The following NDST3 variants were observed in gnomAD, a reference collection of about 807,000 sequenced individuals.
NDST3 encodes N-deacetylase and N-sulfotransferase 3, also known as bifunctional heparan sulfate N-deacetylase/N-sulfotransferase 3.
NDST3 carries 58 observed loss-of-function variants against 96.1 expected under a neutral mutation model. That is an observed-to-expected ratio of 0.60 (90% CI 0.49 to 0.75). The LOEUF is 0.75. NDST3 is among the 30% of genes least tolerant of loss of function. The pLI is 0.00. For missense variants in NDST3, 788 were observed against 1,034.2 expected (o/e 0.76, Z 3.27); for synonymous variants, 333 against 359.7 (o/e 0.93, Z 0.84).
At chr4:118,220,719 C>T (rs192991476) in intron 6 of NDST3, among the ~76,000 whole-genome samples, 2 of 152,182 alleles carry the variant, frequency 1.3e-5, no homozygotes, top group African/African-American at 2.4e-5. Flanking sequence ...CACCACACAT[C>T]TGTCAGCAGT....
At chr4:118,080,256 T>G (rs1166553789) in intron 2 of NDST3, among the ~76,000 whole-genome samples, 3 of 152,024 alleles carry the variant, frequency 2.0e-5, no homozygotes, top group Non-Finnish European at 4.4e-5. Flanking sequence ...CTATGGTGCC[T>G]TTTAGATGTC....
At chr4:118,122,548 T>C (rs1344683221) in intron 4 of NDST3, among the ~76,000 whole-genome samples, 1 of 152,136 alleles carries the variant, frequency 6.6e-6, no homozygotes, top group Non-Finnish European at 1.5e-5. Flanking sequence ...TCTACTTCAC[T>C]TCCAAATTTT....
chr4:118,075,239 T>C (rs1417931526), intron 2 of NDST3, among the ~76,000 whole-genome samples: 1 of 152,192 alleles, frequency 6.6e-6, no homozygotes. Context: ...ACTCATTATT[T>C]TTTATGGCAT....
At chr4:118,228,476 A>T (rs1405723179) in intron 8 of NDST3, among the ~76,000 whole-genome samples, 1 of 152,166 alleles carries the variant, frequency 6.6e-6, no homozygotes, top group Non-Finnish European at 1.5e-5. Context: ...GTCCTCTTAA[A>T]CTGAATTGGG....
intron 1 of NDST3, among the ~76,000 whole-genome samples, chr4:118,044,353 A>G (rs1257320230): frequency 6.6e-6 from 1 of 152,248 alleles, no homozygotes; most frequent in Non-Finnish European, 1.5e-5. Context: ...TCTGTTGTCC[A>G]GGTAAATTTT....
intron 9 of NDST3, among the ~76,000 whole-genome samples, chr4:118,235,118 A>T (rs1264773027): frequency 6.6e-6 from 1 of 152,022 alleles, no homozygotes; most frequent in African/African-American, 2.4e-5. Context: ...TTGCAAAAAA[A>T]ATCCCATTTT....
chr4:118,217,280 A>G (rs902947389), intron 6 of NDST3, among the ~76,000 whole-genome samples: 40 of 152,096 alleles, frequency 2.6e-4, no homozygotes, highest in Admixed American at 3.3e-4. Context: ...GAAGGGGTAC[A>G]GAAGGGAAGA....
At chr4:118,071,912 T>C (rs1001014361) in intron 2 of NDST3, among the ~76,000 whole-genome samples, 14 of 152,276 alleles carry the variant, frequency 9.2e-5, no homozygotes, top group African/African-American at 2.4e-4. Context: ...CAGCATCTTT[T>C]ATTTGTTGAC....
At chr4:118,224,181 G>A (rs534231884) in intron 6 of NDST3, among the ~76,000 whole-genome samples, 1 of 152,126 alleles carries the variant, frequency 6.6e-6, no homozygotes, top group African/African-American at 2.4e-5. Flanking sequence ...AAATATACAG[G>A]TTGTTATTCA....
intron 1 of NDST3, among the ~76,000 whole-genome samples, chr4:118,049,515 A>C (rs1724955536): frequency 1.3e-5 from 2 of 151,948 alleles, no homozygotes; most frequent in South Asian, 4.1e-4. Context: ...ATATCCAAAA[A>C]AGAACAATCA....
intron 6 of NDST3, among the ~76,000 whole-genome samples, chr4:118,177,025 A>G (rs1736323290): frequency 6.6e-6 from 1 of 152,088 alleles, no homozygotes; most frequent in Non-Finnish European, 1.5e-5. Context: ...GGCATTCAGG[A>G]CAAGGAAGAG....
intron 6 of NDST3, among the ~76,000 whole-genome samples, chr4:118,180,501 C>G (rs1305601907): frequency 6.6e-6 from 1 of 152,092 alleles, no homozygotes; most frequent in East Asian, 1.9e-4. Flanking sequence ...AAGAAGTACA[C>G]AGATCAACTT....
chr4:118,109,420 C>T (rs1414521497), intron 3 of NDST3, among the ~76,000 whole-genome samples: 2 of 152,124 alleles, frequency 1.3e-5, no homozygotes, highest in African/African-American at 2.4e-5. Context: ...TTTTGCCCAT[C>T]GTTGAATACT....
intron 1 of NDST3, among the ~76,000 whole-genome samples, chr4:118,040,021 G>C (rs1350954669): frequency 1.3e-5 from 2 of 152,242 alleles, no homozygotes; most frequent in African/African-American, 4.8e-5. Flanking sequence ...GAAAATGGTA[G>C]AAGGAGCCAA....
intron 6 of NDST3, among the ~76,000 whole-genome samples, chr4:118,170,312 T>A (rs1735851272): frequency 6.6e-6 from 1 of 152,200 alleles, no homozygotes; most frequent in Non-Finnish European, 1.5e-5. Context: ...TGAGATTCAG[T>A]TATATAAAAA....
Position 118,057,937 on chromosome 4 carries a change from TAG to T in NDST3, c.981+3049_981+3050del, listed in dbSNP as rs1460043919. Among the ~76,000 whole-genome samples the T allele has an allele frequency of 3.9e-5, 6 of 152,124 alleles. No homozygotes were observed. The East Asian group carries it at 1.2e-3, about 29-fold the overall frequency. ...ACTGAGAGTATTTGTTGCTAAAACG[TAG>T]AGTCCAAGAGTTAGATAGGGTGACC... On this transcript the variant is annotated intron_variant, in intron 2 of 13. Coordinates refer to ENST00000296499, the MANE Select transcript of NDST3 (RefSeq NM_004784.3).
chr4:118,048,729 C>T (rs28812911), intron 1 of NDST3, among the ~76,000 whole-genome samples: 1 of 152,014 alleles, frequency 6.6e-6, no homozygotes, highest in African/African-American at 2.4e-5. Flanking sequence ...ATTCATGAAA[C>T]AAATTCTTCT....
intron 6 of NDST3, chr4:118,194,257 C>T: frequency 1.4e-6 from 1 of 723,358 alleles, no homozygotes; most frequent in Non-Finnish European, 2.6e-6. Context: ...TGATAGCACC[C>T]TCATTGGGCC....
chr4:118,224,969 T>A (rs1414499624), intron 7 of NDST3, among the ~76,000 whole-genome samples: 1 of 152,130 alleles, frequency 6.6e-6, no homozygotes, highest in Non-Finnish European at 1.5e-5. Context: ...TGCAATAGGC[T>A]GGAAGAGTAG....
Sources: allele counts gnomAD v4.1 joint callset (sites outside exome capture counted in the v4.1 genomes callset), GRCh38; gene constraint gnomAD v4.1.1; transcripts MANE v1.5; gene names NCBI Gene and HGNC (gene_info 2026-07-23, HGNC 2026-07-21).